The following NFE2L1 variants were observed in gnomAD, a reference collection of about 807,000 sequenced individuals.
NFE2L1 encodes the protein NFE2 like bZIP transcription factor 1.
In NFE2L1, 18 loss-of-function variants were observed where a neutral mutation model predicts 61.6. That is an observed-to-expected ratio of 0.29 (90% confidence interval 0.20 to 0.43). NFE2L1 has a LOEUF of 0.43. Ranked by LOEUF, NFE2L1 falls within the 20% of genes least tolerant of loss-of-function variation. NFE2L1 has a pLI of 1.00. For synonymous variants in NFE2L1, 419 were observed against 402.7 expected (o/e 1.04, Z -0.48); for missense variants, 827 against 973.5 (o/e 0.85, Z 2.00).
At chr17:48,054,617 T>C in intron 2 of NFE2L1, 1 of 1,117,618 alleles carries the variant, frequency 8.9e-7, no homozygotes, top group Non-Finnish European at 1.1e-6. Flanking sequence ...GGGGTGGGGA[T>C]TGGCTCCCTG....
Position 48,055,076 on chromosome 17 carries a change from C to T in NFE2L1, c.511-1310C>T, listed in dbSNP as rs570437988. On this transcript the variant is annotated intron_variant, in intron 2 of 5. Transcript: ENST00000362042. ...TGGGGGCCATGCCAAAGGCAGCCGG[C>T]CCCTTAACTCTTTGCTGGCTGGTCA... 17 of 1,480,514 alleles carry T rather than the reference C, an allele frequency of 1.1e-5. 1 individual carries two copies. Among genetic ancestry groups the T allele is most frequent in the Middle Eastern group, 3.5e-4 (2 of 5,706 alleles). The allele number at this position is 1,480,514 out of a possible 1,614,324, so 91.7% of individuals were successfully genotyped here. A position where few individuals can be genotyped will look rare whatever the true frequency, so the allele number is the denominator to read the frequency against.
In NFE2L1 at chr17:48,050,820, G is replaced by GT. The variant is rs1267662857; in HGVS notation, c.-298dup. 1 of 592,442 alleles carries GT rather than the reference G, an allele frequency of 1.7e-6. No individual in the cohort carries two copies. The allele number at this position is 592,442 out of a possible 1,614,324, so 36.7% of individuals were successfully genotyped here. On this transcript the variant is annotated 5_prime_UTR_variant, in exon 2 of 6. It removes the in-frame stop codon of an upstream open reading frame in the 5' UTR. Transcript: ENST00000362042. ...TGACTGTATGTGGACTGTGGAGAAA[G>GT]TAAGTCACGTGGGCCCTTGAGGACC...
rs373647310 is a variant in NFE2L1 at position 48,051,398 on chromosome 17, C to A, written c.280C>A (p.Gln94Lys). 7 of 1,614,176 alleles carry A rather than the reference C, an allele frequency of 4.3e-6. No individual in the cohort carries two copies. Among genetic ancestry groups the A allele is most frequent in the Non-Finnish European group, 5.9e-6 (7 of 1,180,030 alleles). The change falls in exon 2 of 6, where the codon CAG becomes AAG. Residue 94 changes from glutamine to lysine, a missense_variant. Gln to Lys is a moderately conservative substitution (Grantham distance 53). Around this residue, in one of 3 missense-constraint regions of NFE2L1, gnomAD observed 667 missense variants for 748.4 expected, o/e 0.89. Coordinates refer to ENST00000362042, the MANE Select transcript of NFE2L1 (RefSeq NM_003204.3). ...LSQVRALDRF[Q>K]VPTTEVNAWL... ...TCAGGTGAGGGCCCTGGACAGGTTC[C>A]AGGTGCCAACCACTGAGGTAAATGC...
At chr17:48,049,027 A>G (rs907202090) in intron 1 of NFE2L1, 6 of 152,450 alleles carry the variant, frequency 3.9e-5, no homozygotes, top group Non-Finnish European at 5.9e-5. Flanking sequence ...CTGGGTCGCA[A>G]TTGTGTTTAC....
Position 48,057,242 on chromosome 17 carries a change from G to A in NFE2L1, c.814-102G>A, listed in dbSNP as rs759716647. The A allele has an allele frequency of 3.9e-4, 615 of 1,589,282 alleles. 1 individual carries two copies. The highest frequency in any genetic ancestry group is 5.1e-4 in the Non-Finnish European group (592 of 1,167,038). On this transcript the variant is annotated intron_variant, in intron 4 of 5. Transcript: ENST00000362042. ...CTTATTCTGGCTGCTGGGGGTAAAT[G>A]CAGAGGAAGGAAGAACAGAAACAGG...
At chr17:48,054,469 C>A in intron 2 of NFE2L1, 1 of 498,792 alleles carries the variant, frequency 2.0e-6, no homozygotes, top group Non-Finnish European at 2.9e-6. Flanking sequence ...CCAGCGGAGA[C>A]TTGGGGGAGG....
At chr17:48,054,933 G>T (rs1245226416) in intron 2 of NFE2L1, 2 of 1,433,860 alleles carry the variant, frequency 1.4e-6, no homozygotes, top group Admixed American at 2.6e-5. Context: ...CTTCCAGCCT[G>T]GTGTGCTCCC....
rs1479513816 is a variant in NFE2L1, at chr17:48,060,551, A to T, written c.*910A>T. 1 of 152,816 alleles carries T rather than the reference A, an allele frequency of 6.5e-6. No homozygotes were observed. Among genetic ancestry groups the T allele is most frequent in the Non-Finnish European group, 1.5e-5 (1 of 68,130 alleles). 9.5% of individuals were successfully genotyped at this position (152,816 alleles called of 1,614,324 possible). ...TGTTTGTGTTCCCCACCCCTCACAG[A>T]CTGCCTGAGCTCTTCTGTAAGCTGG... is the stretch of plus-strand genomic sequence containing the variant. On this transcript the variant is annotated 3_prime_UTR_variant, in exon 6 of 6. Coordinates refer to ENST00000362042, the MANE Select transcript of NFE2L1 (RefSeq NM_003204.3).
At chr17:48,055,172 A>C in intron 2 of NFE2L1, 1 of 1,332,842 alleles carries the variant, frequency 7.5e-7, no homozygotes, top group Non-Finnish European at 9.6e-7. Flanking sequence ...TGGGGAGACT[A>C]AAGTAGTACG....
Position 48,060,036 on chromosome 17 carries a change from A to ACC in NFE2L1, c.*407_*408dup, listed in dbSNP as rs61059322. 0.1 allele frequency: 4,244 copies of ACC among 40,646 alleles called. 747 individuals are homozygous for ACC. The highest frequency in any genetic ancestry group is 0.12 in the East Asian group (80 of 684). The allele number at this position is 40,646 out of a possible 1,614,324, so 2.5% of individuals were successfully genotyped here. ...AGGGATAGAAGGAAGGAAGGAAGGA[A>ACC]CCCCCCCCCCCCCGAAAAAAAAATC... On this transcript the variant is annotated 3_prime_UTR_variant, in exon 6 of 6. Transcript: ENST00000362042.
intron 1 of NFE2L1, among the ~76,000 whole-genome samples, chr17:48,049,466 C>T (rs916296833): frequency 6.6e-6 from 1 of 152,142 alleles, no homozygotes; most frequent in African/African-American, 2.4e-5. Context: ...GATATCGGCC[C>T]ACCACAACCT....
At chr17:48,056,079 G>A in intron 2 of NFE2L1, 1 of 338,938 alleles carries the variant, frequency 3.0e-6, no homozygotes, top group Non-Finnish European at 5.4e-6. Context: ...ATGTAGGGGG[G>A]AGGCGGCCCT....
At position 48,061,096 on chromosome 17, in the gene NFE2L1, C is replaced by T. The variant is rs1209317253; in HGVS notation, c.*1455C>T. On this transcript the variant is annotated 3_prime_UTR_variant, in exon 6 of 6. Coordinates refer to ENST00000362042, the MANE Select transcript of NFE2L1 (RefSeq NM_003204.3). ...AAGCTCTCAGCCACAGGCAGCTTCT[C>T]CACAGCCCCAGCTTCGCACAGGCTC... 1 of 152,610 alleles carries T rather than the reference C, an allele frequency of 6.6e-6. No homozygotes were observed. Among genetic ancestry groups the T allele is most frequent in the Non-Finnish European group, 1.5e-5 (1 of 68,068 alleles). 9.5% of individuals were successfully genotyped at this position (152,610 alleles called of 1,614,324 possible).
In NFE2L1 at chr17:48,051,469, G is replaced by T. The variant is rs1220576635; in HGVS notation, c.351G>T (p.Gln117His). 1 of 1,614,068 alleles carries T rather than the reference G, an allele frequency of 6.2e-7. No homozygotes were observed. The highest frequency in any genetic ancestry group is 2.2e-5 in the East Asian group (1 of 44,880). ...CAGAGGGGTCTGTCTCTGGCAGTCA[G>T]CCCAACTCAGGCCTCGCCCTCGAGA... ...RDPEGSVSGS[Q>H]PNSGLALESS... Residue 117 changes from glutamine to histidine, a missense_variant, in exon 2 of 6, where the codon CAG becomes CAT. By Grantham distance (24) the Gln-to-His change is conservative. Transcript: ENST00000362042.
rs755667380 is a variant in NFE2L1, at chr17:48,059,000, G to A, written c.1678G>A (p.Ala560Thr). 6.2e-7 allele frequency: 1 copy of A among 1,613,996 alleles called. No individual in the cohort carries two copies. Among genetic ancestry groups the A allele is most frequent in the Middle Eastern group, 1.6e-4 (1 of 6,062 alleles). The change falls in exon 6 of 6, where the codon GCT becomes ACT. Residue 560 changes from alanine (A) to threonine (T), a missense_variant. By Grantham distance (58) the Ala-to-Thr change is moderately conservative. Transcript: ENST00000362042. Reference protein sequence around the residue: ...KFCRMSYQDPAQLSCLPYLEH... With the variant: ...KFCRMSYQDPTQLSCLPYLEH... ...CTGCCGCATGAGCTACCAGGATCCA[G>A]CTCAGCTCTCATGCCTGCCCTACCT...
chr17:48,052,945 G>A (rs899390304), intron 2 of NFE2L1, among the ~76,000 whole-genome samples: 33 of 152,212 alleles, frequency 2.2e-4, no homozygotes, highest in African/African-American at 7.7e-4. Context: ...GATTATCTGA[G>A]CGCAGGAGCC....
intron 2 of NFE2L1, among the ~76,000 whole-genome samples, chr17:48,055,424 G>A (rs1171533663): frequency 6.6e-6 from 1 of 152,088 alleles, no homozygotes; most frequent in Non-Finnish European, 1.5e-5. Context: ...TGTTAGTGGG[G>A]GTGGCAGTTG....
At chr17:48,052,892 G>C (rs12450620) in intron 2 of NFE2L1, among the ~76,000 whole-genome samples, 2 of 151,988 alleles carry the variant, frequency 1.3e-5, no homozygotes, top group South Asian at 4.1e-4. Flanking sequence ...ACTCGGCTCT[G>C]TGCTCAAATG....
At chr17:48,049,649 T>C (rs2037195987) in intron 1 of NFE2L1, among the ~76,000 whole-genome samples, 1 of 152,264 alleles carries the variant, frequency 6.6e-6, no homozygotes, top group African/African-American at 2.4e-5. Context: ...CTCCTCGGCC[T>C]CCCGAAGTGC....
Sources: gnomAD v4.1 joint callset for allele counts (sites outside exome capture counted in the v4.1 genomes callset) on GRCh38, gnomAD v4.1.1 for gene constraint, gnomAD v4.1.1 regional missense constraint, MANE v1.5 for transcripts, NCBI Gene and HGNC (gene_info 2026-07-23, HGNC 2026-07-21) for gene names.